CHD6: variants seen among roughly 807,000 people sequenced by gnomAD.
CHD6 encodes the protein ATP-dependent chromatin remodeler CHD6.
CHD6 carries 50 observed loss-of-function variants against 276.9 expected under a neutral mutation model. The ratio of observed to expected loss-of-function variants is 0.18; its 90% CI spans 0.14 to 0.23. The LOEUF is 0.23. CHD6 is among the 10% of genes least tolerant of loss of function. The probability of loss-of-function intolerance (pLI) is 1.00; values close to 1 mark genes in which losing one functional copy is unlikely to be tolerated. For missense variants in CHD6, 2,564 were observed against 3,365.8 expected (o/e 0.76, Z 5.89); for synonymous variants, 1,173 against 1,229.3 (o/e 0.95, Z 0.96).
intron 1 of CHD6, among the ~76,000 whole-genome samples, chr20:41,565,444 G>A (rs1260076715): frequency 6.6e-6 from 1 of 152,150 alleles, no homozygotes; most frequent in African/African-American, 2.4e-5. Context: ...TTGGCAAGAG[G>A]CATCAGGGCA....
At chr20:41,443,002 AT>A (rs1473063314) in intron 25 of CHD6, among the ~76,000 whole-genome samples, 1 of 152,224 alleles carries the variant, frequency 6.6e-6, no homozygotes, top group Non-Finnish European at 1.5e-5. Context: ...TCTTTATAGC[AT>A]TATCTGCTAA....
chr20:41,614,127 G>A (rs1320792276), intron 1 of CHD6, among the ~76,000 whole-genome samples: 2 of 151,850 alleles, frequency 1.3e-5, no homozygotes, highest in South Asian at 2.1e-4. Flanking sequence ...CATAAAATGC[G>A]ATCAGCGACT....
At chr20:41,591,919 G>A (rs1568722387) in intron 1 of CHD6, among the ~76,000 whole-genome samples, 5 of 152,078 alleles carry the variant, frequency 3.3e-5, no homozygotes. Context: ...CTAAGACAGT[G>A]AAACCCCGTC....
chr20:41,519,641 GAT>G (rs1277947217), intron 3 of CHD6, among the ~76,000 whole-genome samples: 2 of 152,114 alleles, frequency 1.3e-5, no homozygotes, highest in African/African-American at 4.8e-5. Flanking sequence ...GCTGAAACTG[GAT>G]CCCTTCCTTA....
chr20:41,417,455 T>C, intron 31 of CHD6, 106 bp from the exon 32 acceptor site: 1 of 926,854 alleles, frequency 1.1e-6, no homozygotes, highest in Non-Finnish European at 1.6e-6. Flanking sequence ...TTAAATTAGC[T>C]CATTCTGTGC....
At chr20:41,419,299 G>C (rs903482399) in intron 31 of CHD6, among the ~76,000 whole-genome samples, 2 of 151,974 alleles carry the variant, frequency 1.3e-5, no homozygotes, top group African/African-American at 4.8e-5. Flanking sequence ...ATAACCTGAG[G>C]CTGGGTGCAG....
intron 3 of CHD6, among the ~76,000 whole-genome samples, 184 bp downstream of exon 3, chr20:41,532,866 A>C (rs1465064693): frequency 1.3e-5 from 2 of 152,214 alleles, no homozygotes; most frequent in African/African-American, 4.8e-5. Context: ...AGCAACCTCC[A>C]AGGACAGCCC....
intron 3 of CHD6, among the ~76,000 whole-genome samples, chr20:41,520,814 G>A (rs937010598): frequency 1.3e-5 from 2 of 151,768 alleles, no homozygotes; most frequent in Non-Finnish European, 2.9e-5. Flanking sequence ...AAAACTTAAA[G>A]TATAATAATA....
chr20:41,541,816 T>C (rs1261936122), intron 2 of CHD6, among the ~76,000 whole-genome samples: 1 of 152,260 alleles, frequency 6.6e-6, no homozygotes, highest in Admixed American at 6.5e-5. Flanking sequence ...TACTTGACTC[T>C]GTCGTTTTTA....
chr20:41,524,333 A>G (rs953018887), intron 3 of CHD6, among the ~76,000 whole-genome samples: 3 of 152,214 alleles, frequency 2.0e-5, no homozygotes, highest in Admixed American at 6.5e-5. Context: ...GTACAGATAT[A>G]ATCTGCTGTA....
chr20:41,590,687 G>A (rs973583662), intron 1 of CHD6, among the ~76,000 whole-genome samples: 47 of 152,252 alleles, frequency 3.1e-4, no homozygotes, highest in East Asian at 1.5e-3. Flanking sequence ...TTAGAATGGC[G>A]ATCATTAAAA....
At chr20:41,483,149 T>C (rs951975991) in intron 16 of CHD6, among the ~76,000 whole-genome samples, 160 bp downstream of exon 16, 1 of 152,180 alleles carries the variant, frequency 6.6e-6, no homozygotes, top group Non-Finnish European at 1.5e-5. Flanking sequence ...CATTTGGTCA[T>C]AAAATTTAAC....
chr20:41,479,727 T>C (rs373721032), intron 16 of CHD6, among the ~76,000 whole-genome samples: 22 of 152,286 alleles, frequency 1.4e-4, no homozygotes, highest in African/African-American at 4.3e-4. Context: ...AAAAATGTTC[T>C]GTGAAATTAA....
intron 1 of CHD6, among the ~76,000 whole-genome samples, chr20:41,553,925 G>A (rs184353540): frequency 1.1e-4 from 16 of 152,288 alleles, no homozygotes; most frequent in South Asian, 8.3e-4. Flanking sequence ...CAAGGCAGGC[G>A]GATCACTTGA....
At chr20:41,522,496 CA>C (rs2044424445) in intron 3 of CHD6, among the ~76,000 whole-genome samples, 1 of 152,086 alleles carries the variant, frequency 6.6e-6, no homozygotes. Flanking sequence ...TGTCTCCCTG[CA>C]GATTACTTAT....
At chr20:41,478,165 A>G (rs1042693228) in intron 16 of CHD6, among the ~76,000 whole-genome samples, 3 of 152,096 alleles carry the variant, frequency 2.0e-5, no homozygotes, top group Non-Finnish European at 4.4e-5. Context: ...TGGAAAGTGA[A>G]GTGCACAGTC....
chr20:41,514,455 C>T (rs909802396), intron 4 of CHD6, among the ~76,000 whole-genome samples: 2 of 152,112 alleles, frequency 1.3e-5, no homozygotes, highest in East Asian at 3.9e-4. Flanking sequence ...TATCCCTGTA[C>T]GGGCTGGCCT....
At position 41,421,058 on chromosome 20, in the gene CHD6, C is replaced by A. The variant is rs151251513; in HGVS notation, c.5577G>T (p.Leu1859Phe). ...CCTCCTCATCACTGTGGTTCTGACT[C>A]AAAATCAATTTACTTTCTAAGCTTT... is the stretch of plus-strand genomic sequence containing the variant. ...ENKSLESKLI[L>F]SQNHSDEEEE... The change falls in exon 31 of 37, where the codon TTG (leucine) becomes TTT (phenylalanine). Residue 1859 changes from leucine (L) to phenylalanine (F), a missense_variant. Coordinates refer to ENST00000373233, the MANE Select transcript of CHD6 (RefSeq NM_032221.5). 1 of 1,613,812 alleles carries A rather than the reference C, an allele frequency of 6.2e-7. No homozygotes were observed. The highest frequency in any genetic ancestry group is 8.5e-7 in the Non-Finnish European group (1 of 1,179,946).
At chr20:41,522,187 G>T (rs1277492986) in intron 3 of CHD6, among the ~76,000 whole-genome samples, 1 of 151,678 alleles carries the variant, frequency 6.6e-6, no homozygotes, top group South Asian at 2.1e-4. Flanking sequence ...AAAAAAATCG[G>T]GAAAAAAAAT....
Sources: gnomAD v4.1 joint callset for allele counts (sites outside exome capture counted in the v4.1 genomes callset) on GRCh38, gnomAD v4.1.1 for gene constraint, MANE v1.5 for transcripts, NCBI Gene and HGNC (gene_info 2026-07-23, HGNC 2026-07-21) for gene names.